GDPD5: variants seen among roughly 807,000 people sequenced by gnomAD.
The protein encoded by GDPD5 is glycerophosphodiester phosphodiesterase domain containing 5, also known as glycerophosphodiester phosphodiesterase 2.
A neutral mutation model predicts 75.1 loss-of-function variants in GDPD5; 48 were observed. That is an observed-to-expected ratio of 0.64 (90% CI 0.51 to 0.81). The LOEUF (loss-of-function observed/expected upper bound fraction) is 0.81, where lower values mean the gene tolerates loss of function less well. GDPD5 is among the 40% of genes least tolerant of loss of function. The probability of loss-of-function intolerance (pLI) is 0.00; values close to 1 mark genes in which losing one functional copy is unlikely to be tolerated. For synonymous variants in GDPD5, 336 were observed against 339.0 expected (o/e 0.99, Z 0.10); for missense variants, 706 against 822.6 (o/e 0.86, Z 1.73).
intron 4 of GDPD5, among the ~76,000 whole-genome samples, chr11:75,459,334 ATTTT>A (rs34572465): frequency 1.2e-4 from 17 of 139,986 alleles, no homozygotes; most frequent in East Asian, 2.1e-4. Flanking sequence ...AAGAGAATGA[ATTTT>A]TTTTTTTTTT....
At chr11:75,472,447 C>A (rs1949689656) in intron 3 of GDPD5, among the ~76,000 whole-genome samples, 1 of 152,150 alleles carries the variant, frequency 6.6e-6, no homozygotes, top group Admixed American at 6.5e-5. Flanking sequence ...AGCTGGGAAA[C>A]TCATCTCTTC....
chr11:75,443,382 C>T (rs1405911829), intron 10 of GDPD5, 96 bp from the exon 11 acceptor site: 4 of 1,410,980 alleles, frequency 2.8e-6, no homozygotes, highest in South Asian at 1.3e-5. Context: ...CCACCCAGCA[C>T]AGGATCCCGG....
In GDPD5 at chr11:75,456,657, G is replaced by A. The variant is rs1013989899; in HGVS notation, c.375+100C>T. On this transcript the variant is annotated intron_variant, in intron 6 of 16. Coordinates refer to ENST00000336898, the MANE Select transcript of GDPD5 (RefSeq NM_030792.8). ...CCTTAGCTATGAGAACAATTCTAAC[G>A]GTGATCCAGGGGAGGGACATGGTGG... 3.2e-5 allele frequency: 36 copies of A among 1,135,698 alleles called. 1 individual carries two copies. Among genetic ancestry groups the A allele is most frequent in the Admixed American group, 5.3e-5 (3 of 56,720 alleles). 70.4% of individuals were successfully genotyped at this position (1,135,698 alleles called of 1,614,324 possible).
intron 3 of GDPD5, among the ~76,000 whole-genome samples, chr11:75,477,149 G>A (rs574213823): frequency 2.0e-4 from 31 of 152,308 alleles, no homozygotes; most frequent in Non-Finnish European, 2.5e-4. Context: ...TTCTTTATCC[G>A]GCTGTGCACC....
intron 1 of GDPD5, among the ~76,000 whole-genome samples, chr11:75,518,343 C>A (rs1950686824): frequency 6.6e-6 from 1 of 152,220 alleles, no homozygotes; most frequent in South Asian, 2.1e-4. Context: ...GGGGAGGAAG[C>A]AGCCTCGGAA....
At chr11:75,448,926 C>G (rs746885830) in intron 9 of GDPD5, 51 bp downstream of exon 9, 16 of 1,516,036 alleles carry the variant, frequency 1.1e-5, no homozygotes, top group African/African-American at 4.3e-5. Flanking sequence ...AAGGTCCCCC[C>G]CATCGCACCC....
intron 1 of GDPD5, among the ~76,000 whole-genome samples, chr11:75,515,081 C>T (rs1176288652): frequency 1.3e-5 from 2 of 152,212 alleles, no homozygotes; most frequent in Non-Finnish European, 2.9e-5. Flanking sequence ...CTCAGGAAGT[C>T]TCTGAGGATC....
At chr11:75,450,088 C>A in intron 6 of GDPD5, 105 bp from the exon 7 acceptor site, 1 of 889,154 alleles carries the variant, frequency 1.1e-6, no homozygotes, top group East Asian at 2.6e-5. Context: ...CAGGAGAGGC[C>A]GATGGAGCAG....
chr11:75,462,704 G>C, intron 4 of GDPD5, 82 bp downstream of exon 4: 1 of 1,074,022 alleles, frequency 9.3e-7, no homozygotes, highest in South Asian at 1.4e-5. Flanking sequence ...TGGGAGACAG[G>C]CTCTAACTCC....
chr11:75,441,479 C>G (rs1948800738), intron 13 of GDPD5, among the ~76,000 whole-genome samples, 167 bp downstream of exon 13: 1 of 152,210 alleles, frequency 6.6e-6, no homozygotes, highest in Non-Finnish European at 1.5e-5. Flanking sequence ...GCCCGACACG[C>G]TCACCCTCTT....
At chr11:75,510,432 A>G (rs993664551) in intron 1 of GDPD5, among the ~76,000 whole-genome samples, 28 of 152,168 alleles carry the variant, frequency 1.8e-4, no homozygotes, top group African/African-American at 6.5e-4. Context: ...AGCTCTGAAG[A>G]GGCTCCTCAT....
At chr11:75,465,607 C>CA (rs1344782762) in intron 3 of GDPD5, among the ~76,000 whole-genome samples, 1 of 152,220 alleles carries the variant, frequency 6.6e-6, no homozygotes, top group Non-Finnish European at 1.5e-5. Context: ...CCTACCCTGG[C>CA]ATGAGTACAC....
chr11:75,491,201 C>T (rs1250801146), intron 1 of GDPD5, among the ~76,000 whole-genome samples: 2 of 152,204 alleles, frequency 1.3e-5, no homozygotes, highest in African/African-American at 4.8e-5. Context: ...AGAGACAGCT[C>T]GGAAATGACA....
chr11:75,469,097 G>A (rs957613304), intron 3 of GDPD5, among the ~76,000 whole-genome samples: 3 of 152,210 alleles, frequency 2.0e-5, no homozygotes, highest in Middle Eastern at 3.2e-3. Context: ...CATCTCTCCA[G>A]CTGCTGAGGA....
At chr11:75,472,452 C>T (rs2135345082) in intron 3 of GDPD5, among the ~76,000 whole-genome samples, 1 of 152,254 alleles carries the variant, frequency 6.6e-6, no homozygotes, top group South Asian at 2.1e-4. Flanking sequence ...GGAAACTCAT[C>T]TCTTCCTCCC....
At chr11:75,439,324 A>G (rs756081807) in intron 15 of GDPD5, 1 of 456,142 alleles carries the variant, frequency 2.2e-6, no homozygotes, top group Middle Eastern at 3.3e-4. Context: ...GAGGAGGAAG[A>G]CCACACCAGA....
intron 1 of GDPD5, chr11:75,508,065 AG>A (rs1950441400): frequency 6.6e-6 from 1 of 152,152 alleles, no homozygotes; most frequent in Admixed American, 6.5e-5. Context: ...TTTATAGGAC[AG>A]GGAGGACAAG....
chr11:75,451,367 G>T (rs1391465803), intron 6 of GDPD5: 1 of 152,298 alleles, frequency 6.6e-6, no homozygotes, highest in Non-Finnish European at 1.5e-5. Context: ...TGGTCCCCAG[G>T]TTGGTTCCGC....
intron 14 of GDPD5, 80 bp downstream of exon 14, chr11:75,441,083 A>C (rs751709174): frequency 3.8e-5 from 54 of 1,428,912 alleles, no homozygotes; most frequent in Admixed American, 7.0e-5. Flanking sequence ...AGCTCCAAGC[A>C]CAGAGCTTGC....
Sources: gnomAD v4.1 joint callset for allele counts (sites outside exome capture counted in the v4.1 genomes callset) on GRCh38, gnomAD v4.1.1 for gene constraint, MANE v1.5 for transcripts, NCBI Gene and HGNC (gene_info 2026-07-23, HGNC 2026-07-21) for gene names.